ARMH4: variants seen among roughly 807,000 people sequenced by gnomAD.
The protein encoded by ARMH4 is armadillo like helical domain containing 4.
ARMH4 carries 49 observed loss-of-function variants against 61.9 expected under a neutral mutation model. That is an observed-to-expected ratio of 0.79 (90% CI 0.63 to 1.00). The LOEUF (loss-of-function observed/expected upper bound fraction) is 1.00, where lower values mean the gene tolerates loss of function less well. Ranked by LOEUF, ARMH4 falls within the 50% of genes least tolerant of loss-of-function variation. ARMH4 has a pLI of 0.00. For missense variants in ARMH4, 934 were observed against 930.0 expected (o/e 1.00, Z -0.06); for synonymous variants, 368 against 341.5 (o/e 1.08, Z -0.85).
At chr14:58,060,391 G>T (rs571238836) in intron 5 of ARMH4, among the ~76,000 whole-genome samples, 5 of 152,258 alleles carry the variant, frequency 3.3e-5, no homozygotes, top group Admixed American at 3.3e-4. Context: ...AGGCAATTTG[G>T]TCCTAATTCT....
chr14:58,060,653 A>C (rs891223927), intron 5 of ARMH4, among the ~76,000 whole-genome samples: 1 of 152,192 alleles, frequency 6.6e-6, no homozygotes, highest in East Asian at 1.9e-4. Context: ...AGTTGTAAAA[A>C]TAAGACAACC....
Position 58,133,235 on chromosome 14 carries a change from G to T in ARMH4, c.1476C>A (p.Gly492=). Residue 492 remains glycine, a synonymous_variant, in exon 3 of 8, where the codon GGC becomes GGA. Transcript: ENST00000267485. ...VATLELIRDS[G]KTEEEKEDPS... The stretch of plus-strand genomic sequence containing the variant: ...GGTCCTCCTTTTCTTCCTCAGTCTT[G>T]CCACTGTCTCTGATAAGCTCGAGGG... 2 of 1,614,126 alleles carry T rather than the reference G, an allele frequency of 1.2e-6. No homozygotes were observed. The highest frequency in any genetic ancestry group is 1.7e-6 in the Non-Finnish European group (2 of 1,180,042).
At chr14:58,030,710 T>C (rs945631016) in intron 5 of ARMH4, among the ~76,000 whole-genome samples, 2 of 152,238 alleles carry the variant, frequency 1.3e-5, no homozygotes, top group Non-Finnish European at 2.9e-5. Flanking sequence ...TGGAATTATA[T>C]AGTATTTGTC....
At chr14:58,015,754 TA>T (rs34004432) in intron 5 of ARMH4, among the ~76,000 whole-genome samples, 4,979 of 136,180 alleles carry the variant, frequency 0.037, 109 homozygotes, top group Non-Finnish European at 0.051. Flanking sequence ...TATTTTTAGT[TA>T]AAAAAAAAAA....
chr14:58,095,301 A>G (rs1347874098), intron 5 of ARMH4, among the ~76,000 whole-genome samples: 1 of 152,222 alleles, frequency 6.6e-6, no homozygotes, highest in Non-Finnish European at 1.5e-5. Context: ...CCTCCATAGT[A>G]TAAAGCTGTG....
chr14:58,055,670 C>T (rs1207528267), intron 5 of ARMH4, among the ~76,000 whole-genome samples: 1 of 152,118 alleles, frequency 6.6e-6, no homozygotes, highest in South Asian at 2.1e-4. Flanking sequence ...TCAGTCACCC[C>T]CCACCCTACA....
At chr14:58,041,799 G>T (rs891919968) in intron 5 of ARMH4, among the ~76,000 whole-genome samples, 7 of 152,092 alleles carry the variant, frequency 4.6e-5, no homozygotes, top group Non-Finnish European at 8.8e-5. Flanking sequence ...TGCAATCCTA[G>T]TCTCGGATAA....
chr14:58,091,793 G>C (rs936317564), intron 5 of ARMH4, among the ~76,000 whole-genome samples: 3 of 152,274 alleles, frequency 2.0e-5, no homozygotes, highest in African/African-American at 7.2e-5. Context: ...TGTGAATAGA[G>C]AGCTTCCTAT....
intron 6 of ARMH4, among the ~76,000 whole-genome samples, chr14:58,006,490 A>G (rs965173732): frequency 2.0e-5 from 3 of 152,170 alleles, no homozygotes; most frequent in Non-Finnish European, 2.9e-5. Flanking sequence ...ATCAGAGTTT[A>G]TGAAACAGCA....
chr14:58,009,795 A>G (rs931504335), intron 6 of ARMH4, among the ~76,000 whole-genome samples: 2 of 133,014 alleles, frequency 1.5e-5, no homozygotes, highest in African/African-American at 5.7e-5. Flanking sequence ...TGGGTGACAG[A>G]GCAAGACTCT....
intron 4 of ARMH4, among the ~76,000 whole-genome samples, chr14:58,109,324 C>T (rs72716911): frequency 9.4e-4 from 143 of 152,236 alleles, no homozygotes; most frequent in Non-Finnish European, 1.8e-3. Flanking sequence ...TAGGATGTAG[C>T]TTCAATATAG....
chr14:58,142,560 A>C (rs937707917), intron 1 of ARMH4, among the ~76,000 whole-genome samples: 10 of 151,752 alleles, frequency 6.6e-5, no homozygotes, highest in Admixed American at 3.9e-4. Context: ...CACTCACTGC[A>C]ACCTCCGCCT....
At position 58,138,865 on chromosome 14, in the gene ARMH4, G is replaced by T. The variant is rs772992106; in HGVS notation, c.494C>A (p.Thr165Lys). The T allele has an allele frequency of 2.5e-6, 4 of 1,614,220 alleles. No individual in the cohort carries two copies. The highest frequency in any genetic ancestry group is 3.4e-6 in the Non-Finnish European group (4 of 1,180,032). The change falls in exon 2 of 8, where the codon ACA (threonine) becomes AAA (lysine). Residue 165 changes from threonine to lysine, a missense_variant. By Grantham distance (78) the Thr-to-Lys change is moderately conservative. Transcript: ENST00000267485. ...TACAATGGGCTGAAAGTTAGTGCTT[G>T]TAAGGAGTTCCTCCTTTTCATCAAC... ...LTVDEKEELL[T>K]STNFQPIVEE...
At chr14:58,098,070 G>A (rs149759161) in intron 4 of ARMH4, among the ~76,000 whole-genome samples, 6 of 152,020 alleles carry the variant, frequency 3.9e-5, no homozygotes, top group East Asian at 1.9e-4. Flanking sequence ...CTTGACTCTC[G>A]GCACAGCAGT....
At chr14:58,068,425 C>G (rs1052882964) in intron 5 of ARMH4, among the ~76,000 whole-genome samples, 2 of 152,158 alleles carry the variant, frequency 1.3e-5, no homozygotes, top group Non-Finnish European at 2.9e-5. Flanking sequence ...TTGTGCTTGT[C>G]ATGATTAGAT....
chr14:58,080,303 A>G (rs556241416), intron 5 of ARMH4, among the ~76,000 whole-genome samples: 1 of 151,946 alleles, frequency 6.6e-6, no homozygotes, highest in East Asian at 1.9e-4. Context: ...CTAATTTTGT[A>G]TATTTAGTAG....
chr14:58,147,463 C>G (rs180741791), intron 1 of ARMH4, among the ~76,000 whole-genome samples: 5 of 151,944 alleles, frequency 3.3e-5, no homozygotes, highest in African/African-American at 9.7e-5. Context: ...CACAGGCGCA[C>G]GCCACCACGC....
chr14:58,090,741 G>A (rs1885527140), intron 5 of ARMH4, among the ~76,000 whole-genome samples: 1 of 151,766 alleles, frequency 6.6e-6, no homozygotes. Context: ...TAGCTGGGCT[G>A]TGGTGGTGTG....
chr14:58,108,928 G>A (rs1349537795), intron 4 of ARMH4, among the ~76,000 whole-genome samples: 1 of 152,122 alleles, frequency 6.6e-6, no homozygotes, highest in Non-Finnish European at 1.5e-5. Flanking sequence ...CTTTCTTAAT[G>A]ACTAATGAGG....
Sources: allele counts gnomAD v4.1 joint callset (sites outside exome capture counted in the v4.1 genomes callset), GRCh38; gene constraint gnomAD v4.1.1; transcripts MANE v1.5; gene names NCBI Gene and HGNC (gene_info 2026-07-23, HGNC 2026-07-21).